Variants in OTUD7B observed in about 807,000 individuals in gnomAD.
OTUD7B encodes the protein OTU deubiquitinase 7B.
Under a neutral mutation model 82.2 loss-of-function variants are expected in OTUD7B, and 34 were observed. The ratio of observed to expected loss-of-function variants is 0.41; its 90% CI spans 0.31 to 0.55. The LOEUF (loss-of-function observed/expected upper bound fraction) is 0.55, where lower values mean the gene tolerates loss of function less well. Among genes scored for constraint, OTUD7B ranks in the 20% least tolerant of loss-of-function variants. The pLI is 0.20. For missense variants in OTUD7B, 944 were observed against 1,062.1 expected, an observed-to-expected ratio of 0.89 and a Z score of 1.55; for synonymous variants, 398 against 402.7, an observed-to-expected ratio of 0.99 and a Z score of 0.14.
At chr1:150,033,307 T>A in the OTUD7B span, among the ~76,000 whole-genome samples, 5 of 152,270 alleles carry the variant, frequency 3.3e-5, no homozygotes, top group African/African-American at 9.6e-5. Context: ...GCCCAAAAAA[T>A]CTAATAATAA....
the OTUD7B span, among the ~76,000 whole-genome samples, chr1:150,060,913 CTCTTT>C: frequency 2.0e-4 from 30 of 152,114 alleles, no homozygotes; most frequent in African/African-American, 2.9e-4. Flanking sequence ...TTTATTTTTT[CTCTTT>C]TCTTTTCTTT....
chr1:150,061,646 T>C, the OTUD7B span, among the ~76,000 whole-genome samples: 1 of 152,246 alleles, frequency 6.6e-6, no homozygotes. Flanking sequence ...AGCAGTGACC[T>C]GCCCAGGGGC....
chr1:150,041,155 A>AT, the OTUD7B span, among the ~76,000 whole-genome samples: 1 of 152,042 alleles, frequency 6.6e-6, no homozygotes, highest in Non-Finnish European at 1.5e-5. Flanking sequence ...TTTTTTTAAT[A>AT]TCTTAGATTC....
chr1:149,964,486 C>T (rs1374253619), intron 5 of OTUD7B, 137 bp from the exon 6 acceptor site: 3 of 709,914 alleles, frequency 4.2e-6, no homozygotes, highest in Non-Finnish European at 6.9e-6. Context: ...CCTGCCTTAC[C>T]CTCCCAAAGT....
chr1:150,059,797 AAAAG>A, the OTUD7B span, among the ~76,000 whole-genome samples: 2 of 152,354 alleles, frequency 1.3e-5, no homozygotes, highest in African/African-American at 2.4e-5. Flanking sequence ...GAGAGGGAAA[AAAAG>A]AAAGAAAAAT....
chr1:150,030,673 C>T, the OTUD7B span, among the ~76,000 whole-genome samples: 1 of 152,142 alleles, frequency 6.6e-6, no homozygotes, highest in Non-Finnish European at 1.5e-5. Flanking sequence ...CAAATCTCTC[C>T]TCTCTACTTC....
At chr1:149,997,635 G>A (rs911582530) in intron 1 of OTUD7B, among the ~76,000 whole-genome samples, 2 of 152,068 alleles carry the variant, frequency 1.3e-5, no homozygotes, top group Non-Finnish European at 1.5e-5. Flanking sequence ...TGAATATGAC[G>A]AATTGAATCT....
the OTUD7B span, among the ~76,000 whole-genome samples, chr1:150,060,391 C>G: frequency 1.3e-4 from 20 of 152,126 alleles, no homozygotes; most frequent in African/African-American, 4.8e-4. Flanking sequence ...GATTAGGACA[C>G]AGACACCACA....
At chr1:150,062,708 C>CTTTTTTTTTTTTTT in the OTUD7B span, among the ~76,000 whole-genome samples, 2 of 96,054 alleles carry the variant, frequency 2.1e-5, no homozygotes, top group African/African-American at 8.1e-5. Flanking sequence ...CTTCTTCTTT[C>CTTTTTTTTTTTTTT]TTTTTTTTTT....
chr1:149,952,562 C>A (rs1225473140), intron 7 of OTUD7B, among the ~76,000 whole-genome samples: 1 of 152,148 alleles, frequency 6.6e-6, no homozygotes, highest in Non-Finnish European at 1.5e-5. Flanking sequence ...TGGGTATATA[C>A]CCAGTAATGG....
the OTUD7B span, among the ~76,000 whole-genome samples, chr1:150,044,821 G>A: frequency 6.6e-6 from 1 of 151,772 alleles, no homozygotes; most frequent in Non-Finnish European, 1.5e-5. Context: ...TGAAAAATAA[G>A]AGTTTAAAAT....
rs1366020859 is a variant in OTUD7B at position 149,960,413 on chromosome 1, T to TTTTTTTTTTG, written c.733-618_733-617insCAAAAAAAAA. ...CCTTTTTTTCTTTTTTTTTTTTTTG[T>TTTTTTTTTTG]AGACAGAGTCACCCAGGCTGGAGTG... On this transcript the variant is annotated intron_variant, in intron 6 of 11. Transcript: ENST00000581312. Among the ~76,000 whole-genome samples the TTTTTTTTTTG allele has an allele frequency of 1.7e-3, 123 of 72,566 alleles. 11 individuals carry two copies. Among genetic ancestry groups the TTTTTTTTTTG allele is most frequent in the East Asian group, 4.4e-3 (9 of 2,024 alleles). The allele number at this position is 72,566 out of a possible 152,430, so 47.6% of individuals were successfully genotyped here.
chr1:150,025,038 ACT>A, the OTUD7B span, among the ~76,000 whole-genome samples: 1 of 151,376 alleles, frequency 6.6e-6, no homozygotes, highest in Non-Finnish European at 1.5e-5. Context: ...ACAGAGTGAG[ACT>A]CTGTCTCAAA....
the OTUD7B span, among the ~76,000 whole-genome samples, chr1:150,042,580 CAGAG>C: frequency 6.6e-6 from 1 of 152,038 alleles, no homozygotes; most frequent in Non-Finnish European, 1.5e-5. Context: ...CATTTCCACC[CAGAG>C]AACTAGTCCT....
rs1296913338 is a variant in OTUD7B, at chr1:149,938,483, A to AAAAAAAAAAAAAAAAAG, written c.*5373_*5374insCTTTTTTTTTTTTTTTT. 2.4e-5 allele frequency: 2 copies of AAAAAAAAAAAAAAAAAG among 82,914 alleles called. 1 individual carries two copies. Among genetic ancestry groups the AAAAAAAAAAAAAAAAAG allele is most frequent in the Non-Finnish European group, 4.2e-5 (2 of 47,568 alleles). 5.1% of individuals were successfully genotyped at this position (82,914 alleles called of 1,614,324 possible). ...CGCAAAAAAAAAAAAAAAAAAAAAG[A>AAAAAAAAAAAAAAAAAG]CATAGGAAGAGGTGTGTACCATAAC... On this transcript the variant is annotated 3_prime_UTR_variant, in exon 12 of 12. Transcript: ENST00000581312.
intron 3 of OTUD7B, among the ~76,000 whole-genome samples, chr1:149,970,504 A>C (rs1553777405): frequency 6.6e-6 from 1 of 151,880 alleles, no homozygotes; most frequent in African/African-American, 2.4e-5. Flanking sequence ...TTTTTAATAG[A>C]GATGGGGTTT....
chr1:149,977,534 A>C lies in OTUD7B; in HGVS notation c.-24T>G, dbSNP rs1553778882. On this transcript the variant is annotated 5_prime_UTR_variant, in exon 2 of 12. Coordinates refer to ENST00000581312, the MANE Select transcript of OTUD7B (RefSeq NM_020205.4). Reference sequence around the variant, plus strand: ...ATGTGATCCTCAAGTACTTTCAGCCAGCTGGATGTAGGTAGAACATAGATC... The same window carrying C: ...ATGTGATCCTCAAGTACTTTCAGCCCGCTGGATGTAGGTAGAACATAGATC... The C allele has an allele frequency of 1.9e-6, 3 of 1,574,802 alleles. No homozygotes were observed. The highest frequency in any genetic ancestry group is 2.6e-6 in the Non-Finnish European group (3 of 1,144,196).
chr1:149,985,409 A>C (rs1228369925), intron 1 of OTUD7B, among the ~76,000 whole-genome samples: 3 of 152,052 alleles, frequency 2.0e-5, no homozygotes, highest in African/African-American at 7.3e-5. Flanking sequence ...CCCATCTCAA[A>C]ATAAACAAAC....
chr1:150,035,958 T>G, the OTUD7B span, among the ~76,000 whole-genome samples: 5 of 2,840 alleles, frequency 1.8e-3, no homozygotes, highest in Admixed American at 7.2e-3. Context: ...ATTGTAACTG[T>G]TTTTTTTTTT....
Sources: allele counts gnomAD v4.1 joint callset (sites outside exome capture counted in the v4.1 genomes callset), GRCh38; gene constraint gnomAD v4.1.1; transcripts MANE v1.5; gene names NCBI Gene and HGNC (gene_info 2026-07-23, HGNC 2026-07-21).